The following AGBL1 variants were observed in gnomAD, a reference collection of about 807,000 sequenced individuals.
AGBL1 encodes AGBL carboxypeptidase 1, also known as cytosolic carboxypeptidase 4.
In AGBL1, 130 loss-of-function variants were observed where a neutral mutation model predicts 118.9. The observed-to-expected ratio is 1.09, with a 90% CI of 0.95 to 1.26. The LOEUF (loss-of-function observed/expected upper bound fraction) is 1.26, where lower values mean the gene tolerates loss of function less well. AGBL1 is among the 50% of genes most tolerant of loss of function. AGBL1 has a pLI of 0.00. For missense variants in AGBL1, 1,584 were observed against 1,298.1 expected (o/e 1.22, Z -3.38); for synonymous variants, 555 against 478.9 (o/e 1.16, Z -2.08).
intron 22 of AGBL1, among the ~76,000 whole-genome samples, chr15:86,822,350 C>T (rs1436934124): frequency 6.6e-6 from 1 of 152,146 alleles, no homozygotes; most frequent in Non-Finnish European, 1.5e-5. Flanking sequence ...TGATATTTCT[C>T]TTCCAAATAA....
chr15:87,013,485 C>T (rs1037326597), intron 24 of AGBL1, among the ~76,000 whole-genome samples: 1 of 151,922 alleles, frequency 6.6e-6, no homozygotes, highest in Non-Finnish European at 1.5e-5. Flanking sequence ...AAATACCTAA[C>T]CTCATTAGAG....
chr15:86,272,656 G>A (rs1173775083), intron 15 of AGBL1, among the ~76,000 whole-genome samples: 1 of 152,162 alleles, frequency 6.6e-6, no homozygotes. Context: ...GAAAGGTCAA[G>A]AATCTTGTTG....
At chr15:86,482,056 A>G (rs1246237726) in intron 18 of AGBL1, among the ~76,000 whole-genome samples, 1 of 152,186 alleles carries the variant, frequency 6.6e-6, no homozygotes, top group Non-Finnish European at 1.5e-5. Flanking sequence ...CATCGTTCAC[A>G]GCTTAGGAAC....
chr15:86,893,523 C>T (rs1222407075), intron 22 of AGBL1, among the ~76,000 whole-genome samples: 1 of 152,124 alleles, frequency 6.6e-6, no homozygotes, highest in African/African-American at 2.4e-5. Context: ...CGTCATATCT[C>T]AATAAATATG....
At chr15:86,520,204 AG>A (rs1380682505) in intron 18 of AGBL1, among the ~76,000 whole-genome samples, 10 of 152,230 alleles carry the variant, frequency 6.6e-5, no homozygotes, top group Non-Finnish European at 1.5e-4. Flanking sequence ...TTTTAGATGT[AG>A]ATGAAGATGT....
chr15:86,169,895 C>G (rs939039728), intron 5 of AGBL1, among the ~76,000 whole-genome samples: 1 of 152,126 alleles, frequency 6.6e-6, no homozygotes, highest in African/African-American at 2.4e-5. Flanking sequence ...GAACTACTTC[C>G]AAGTAAATTA....
Position 86,241,703 on chromosome 15 carries a change from A to T in AGBL1, c.527-5968A>T, listed in dbSNP as rs1020305578. Among the ~76,000 whole-genome samples, 7 of 152,338 alleles carry T rather than the reference A, an allele frequency of 4.6e-5. No homozygotes were observed. In the South Asian group the frequency reaches 8.3e-4, roughly 18 times the overall value. ...AGAGAAGAGCCTTCCTGGCCTAATC[A>T]TGTCTTCAAGGCCCCACCTCTTAAT... On this transcript the variant is annotated intron_variant, in intron 6 of 22. Transcript: ENST00000614907.
intron 3 of AGBL1, among the ~76,000 whole-genome samples, chr15:86,153,520 G>T (rs2141686883): frequency 6.6e-6 from 1 of 151,838 alleles, no homozygotes; most frequent in Admixed American, 6.6e-5. Flanking sequence ...GGGGTGGGGG[G>T]CAGGGGGAGG....
chr15:86,574,316 C>G (rs1052293771), intron 21 of AGBL1, among the ~76,000 whole-genome samples: 1 of 152,160 alleles, frequency 6.6e-6, no homozygotes, highest in Non-Finnish European at 1.5e-5. Context: ...TGCAGCCACT[C>G]ATCCAAGTCC....
At chr15:86,861,442 A>G (rs755868330) in intron 22 of AGBL1, among the ~76,000 whole-genome samples, 4 of 152,206 alleles carry the variant, frequency 2.6e-5, no homozygotes, top group Non-Finnish European at 5.9e-5. Context: ...TATTATCCCT[A>G]TTCTATTAAT....
rs552223243 is a variant in AGBL1 at position 86,337,621 on chromosome 15, C to G, written c.2374+42213C>G. 2.0e-5 allele frequency among the ~76,000 whole-genome samples: 3 copies of G among 152,256 alleles called. No individual in the cohort carries two copies. In the East Asian group the frequency reaches 5.8e-4, roughly 29 times the overall value. Reference sequence around the variant, plus strand: ...TAACACAGGAACAGAAAACCAAACACCACATGTTCCGACTTATAAGTGGGA... The same window carrying G: ...TAACACAGGAACAGAAAACCAAACAGCACATGTTCCGACTTATAAGTGGGA... On this transcript the variant is annotated intron_variant, in intron 17 of 22. Transcript: ENST00000614907.
In AGBL1 at chr15:86,091,074, C is replaced by T. The variant is rs1258258252; in HGVS notation, c.51+11051C>T. ...GGCCAAAGTTGATTTTGGGTACTGC[C>T]ACCGACTTTCTGGTTGACTTGAATC... On this transcript the variant is annotated intron_variant, in intron 1 of 22. Coordinates refer to ENST00000614907, the MANE Select transcript of AGBL1 (RefSeq NM_001386094.1). 3.9e-5 allele frequency among the ~76,000 whole-genome samples: 6 copies of T among 152,238 alleles called. No homozygotes were observed. In the South Asian group the frequency reaches 1.2e-3, roughly 32 times the overall value.
chr15:86,477,305 G>GA (rs2082574296), intron 18 of AGBL1, among the ~76,000 whole-genome samples: 1 of 151,954 alleles, frequency 6.6e-6, no homozygotes, highest in African/African-American at 2.4e-5. Context: ...CTGGTTTTTT[G>GA]AAAGATCAAC....
chr15:87,009,872 C>G, intron 24 of AGBL1, among the ~76,000 whole-genome samples: 1 of 152,190 alleles, frequency 6.6e-6, no homozygotes, highest in Admixed American at 6.5e-5. Context: ...TTGAAATGGC[C>G]GTATTTACCC....
At chr15:86,855,101 G>A (rs1282902199) in intron 22 of AGBL1, among the ~76,000 whole-genome samples, 1 of 152,180 alleles carries the variant, frequency 6.6e-6, no homozygotes, top group African/African-American at 2.4e-5. Context: ...TTGTGATGCT[G>A]TTGTTACTGC....
chr15:86,294,020 G>T (rs1227791911), intron 16 of AGBL1, among the ~76,000 whole-genome samples: 1 of 152,120 alleles, frequency 6.6e-6, no homozygotes, highest in Non-Finnish European at 1.5e-5. Context: ...AGGGGATGCA[G>T]TGCAGGTGGG....
chr15:86,754,186 T>A (rs897322123), intron 22 of AGBL1, among the ~76,000 whole-genome samples: 98 of 152,214 alleles, frequency 6.4e-4, no homozygotes, highest in African/African-American at 2.2e-3. Context: ...ATCAACAAAT[T>A]TAAGGGAATA....
intron 24 of AGBL1, among the ~76,000 whole-genome samples, chr15:87,006,143 G>A (rs2081499707): frequency 1.3e-5 from 2 of 152,200 alleles, no homozygotes; most frequent in South Asian, 4.1e-4. Context: ...CAGGGGTCAG[G>A]GACCCACTTG....
At chr15:86,760,937 G>A (rs772878098) in intron 22 of AGBL1, among the ~76,000 whole-genome samples, 3 of 152,088 alleles carry the variant, frequency 2.0e-5, no homozygotes, top group Non-Finnish European at 4.4e-5. Context: ...TGGTCTAAAT[G>A]CATTGGTAAG....
Sources: gnomAD v4.1 joint callset for allele counts (sites outside exome capture counted in the v4.1 genomes callset) on GRCh38, gnomAD v4.1.1 for gene constraint, MANE v1.5 for transcripts, NCBI Gene and HGNC (gene_info 2026-07-23, HGNC 2026-07-21) for gene names.